Variants in DNAH5 observed in about 807,000 individuals in gnomAD.
DNAH5 encodes axonemal beta dynein heavy chain 5.
DNAH5 carries 372 observed loss-of-function variants against 518.2 expected under a neutral mutation model. The observed-to-expected ratio is 0.72, with a 90% confidence interval of 0.66 to 0.78. The LOEUF (loss-of-function observed/expected upper bound fraction) is 0.78. Ranked by LOEUF, DNAH5 falls within the 30% of genes least tolerant of loss-of-function variation. The pLI, the probability that DNAH5 is intolerant of heterozygous loss-of-function variation, is 0.00. For synonymous variants in DNAH5, 2,039 were observed against 2,025.9 expected, an observed-to-expected ratio of 1.01 and a Z score of -0.17; for missense variants, 5,523 against 5,687.0, an observed-to-expected ratio of 0.97 and a Z score of 0.93.
chr5:13,767,380 C>T (rs1469885853), intron 58 of DNAH5, among the ~76,000 whole-genome samples: 2 of 152,214 alleles, frequency 1.3e-5, no homozygotes, highest in Admixed American at 6.5e-5. Context: ...CCACCTCGGC[C>T]TCCCAAAGTA....
At chr5:13,932,412 G>A (rs1778513034) in intron 1 of DNAH5, 1 of 152,212 alleles carries the variant, frequency 6.6e-6, no homozygotes, top group South Asian at 2.1e-4. Context: ...TAGCATTGAA[G>A]GAGGGTTGGT....
intron 58 of DNAH5, among the ~76,000 whole-genome samples, chr5:13,767,334 A>G (rs940860540): frequency 2.0e-5 from 3 of 152,202 alleles, no homozygotes; most frequent in Non-Finnish European, 4.4e-5. Flanking sequence ...CATGTTGGCC[A>G]GGCTGGTCTC....
In DNAH5 at chr5:13,913,893, A is replaced by C; in HGVS notation, c.1386T>G (p.Phe462Leu). ...KLKQNPNAKQ[F>L]DFSEMYIFGK... ...CAAAAATATACATCTCGCTAAAATCAAATTGTTTTGCATTTGGATTTTGTT... is the reference window on the plus strand; with the variant it reads ...CAAAAATATACATCTCGCTAAAATCCAATTGTTTTGCATTTGGATTTTGTT... The change falls in exon 11 of 79, where the codon TTT becomes TTG. Residue 462 changes from phenylalanine to leucine, a missense_variant. This residue lies in a region of DNAH5 where 5,121 missense variants were observed against 5,223.3 expected (regional missense o/e 0.98). Transcript: ENST00000265104. The C allele has an allele frequency of 1.2e-6, 2 of 1,613,642 alleles. No homozygotes were observed. Among genetic ancestry groups the C allele is most frequent in the Admixed American group, 1.7e-5 (1 of 60,002 alleles).
chr5:13,829,936 T>G, intron 37 of DNAH5, 90 bp downstream of exon 37: 4 of 1,333,916 alleles, frequency 3.0e-6, no homozygotes, highest in Non-Finnish European at 4.3e-6. Flanking sequence ...CAATTTCCAT[T>G]CAGGAAAACA....
chr5:13,760,272 T>C (rs1751599232), intron 60 of DNAH5, among the ~76,000 whole-genome samples: 1 of 152,192 alleles, frequency 6.6e-6, no homozygotes, highest in Non-Finnish European at 1.5e-5. Flanking sequence ...CTAATCAAAA[T>C]CCTTCAAACC....
intron 58 of DNAH5, among the ~76,000 whole-genome samples, chr5:13,767,415 A>C (rs1752656653): frequency 6.6e-6 from 1 of 152,194 alleles, no homozygotes; most frequent in African/African-American, 2.4e-5. Context: ...GTGAGCCAGC[A>C]TGCCCAGCCT....
intron 54 of DNAH5, 67 bp from the exon 55 acceptor site, chr5:13,776,773 T>C: frequency 3.2e-6 from 5 of 1,545,530 alleles, no homozygotes; most frequent in Non-Finnish European, 4.5e-6. Context: ...ATGTAGAGCT[T>C]AATACACAGA....
chr5:13,900,629 A>C, intron 14 of DNAH5: 1 of 588,002 alleles, frequency 1.7e-6, no homozygotes, highest in Non-Finnish European at 3.0e-6. Context: ...AATTCAATAA[A>C]ACCTTTCAAT....
intron 55 of DNAH5, among the ~76,000 whole-genome samples, chr5:13,771,926 A>C (rs1300189653): frequency 6.6e-6 from 1 of 152,216 alleles, no homozygotes; most frequent in African/African-American, 2.4e-5. Context: ...CCCAATCACT[A>C]AATTAAGTTC....
In DNAH5 at chr5:13,876,723, T is replaced by C. The variant is rs780565363; in HGVS notation, c.3357A>G (p.Leu1119=). The change falls in exon 22 of 79, where the codon TTA becomes TTG. Residue 1119 remains leucine, a synonymous_variant. Transcript: ENST00000265104. Reference sequence around the variant, plus strand: ...TGATAATTGTGCTAAGCACAGAAACTAATTTTACAATCTCTTTGTTTTCAG... The same window carrying C: ...TGATAATTGTGCTAAGCACAGAAACCAATTTTACAATCTCTTTGTTTTCAG... ...NVSENKEIVK[L]VSVLSTIINS... is the part of the protein sequence containing the mutation. 3.1e-6 allele frequency: 5 copies of C among 1,613,960 alleles called. No homozygotes were observed. The highest frequency in any genetic ancestry group is 1.7e-4 in the Middle Eastern group (1 of 6,056).
intron 55 of DNAH5, among the ~76,000 whole-genome samples, chr5:13,775,468 GGATA>G (rs1309076894): frequency 2.0e-5 from 3 of 151,812 alleles, no homozygotes; most frequent in Middle Eastern, 3.4e-3. Context: ...ATGGATCGAT[GGATA>G]GATAATTAAT....
chr5:13,950,756 T>C (rs1780326154), intron 1 of DNAH5, among the ~76,000 whole-genome samples: 1 of 152,186 alleles, frequency 6.6e-6, no homozygotes, highest in South Asian at 2.1e-4. Flanking sequence ...CACAGTTATG[T>C]TTCATGTTGA....
intron 22 of DNAH5, 30 bp from the exon 23 acceptor site, chr5:13,871,795 A>G: frequency 6.3e-7 from 1 of 1,590,262 alleles, no homozygotes; most frequent in Non-Finnish European, 8.6e-7. Context: ...TTATGTTAAG[A>G]AGGAAGAATC....
At chr5:13,727,229 T>C (rs562937150) in intron 70 of DNAH5, among the ~76,000 whole-genome samples, 23 of 152,354 alleles carry the variant, frequency 1.5e-4, no homozygotes, top group African/African-American at 5.5e-4. Flanking sequence ...ATTACCTGTA[T>C]GTTATACCTA....
intron 1 of DNAH5, among the ~76,000 whole-genome samples, chr5:13,958,176 C>T (rs1450438908): frequency 6.6e-6 from 1 of 151,766 alleles, no homozygotes; most frequent in African/African-American, 2.4e-5. Flanking sequence ...GATATCCCTG[C>T]ATACAAATCC....
chr5:13,965,718 G>T (rs147225099), intron 1 of DNAH5, among the ~76,000 whole-genome samples: 8 of 152,244 alleles, frequency 5.3e-5, no homozygotes, highest in African/African-American at 1.7e-4. Flanking sequence ...AAATATATTC[G>T]AAAATGTCCT....
chr5:13,729,477 G>A lies in DNAH5; in HGVS notation c.11845C>T (p.Leu3949Phe), dbSNP rs745686704. The change falls in exon 69 of 79, where the codon CTT becomes TTT. Residue 3949 changes from leucine to phenylalanine, a missense_variant. Leu to Phe is a conservative substitution (Grantham distance 22, BLOSUM62 0). This residue lies in a region of DNAH5 where 5,121 missense variants were observed against 5,223.3 expected (regional missense o/e 0.98). Transcript: ENST00000265104. ...LDITWLNLVE[L>F]SKLRQFSDVL... ...TCTGAAAACTGTCTGAGTTTGCTAA[G>A]TTCCACCAAATTCAGCCATGTTATG... is the stretch of plus-strand genomic sequence containing the variant. The A allele has an allele frequency of 1.2e-6, 2 of 1,614,026 alleles. No individual in the cohort carries two copies. Among genetic ancestry groups the A allele is most frequent in the South Asian group, 2.2e-5 (2 of 91,078 alleles).
At chr5:13,766,950 A>T (rs1752589223) in intron 58 of DNAH5, among the ~76,000 whole-genome samples, 1 of 152,190 alleles carries the variant, frequency 6.6e-6, no homozygotes, top group Non-Finnish European at 1.5e-5. Flanking sequence ...TCTTCAAAAC[A>T]TCCATCTGGT....
chr5:13,976,689 G>GTATATATATATATATATATATA (rs1216182959), intron 1 of DNAH5, among the ~76,000 whole-genome samples: 1 of 137,974 alleles, frequency 7.2e-6, no homozygotes, highest in Non-Finnish European at 1.5e-5. Context: ...GTGTGTGTGT[G>GTATATATATATATATATATATA]TATATATATA....
Sources: gnomAD v4.1 joint callset for allele counts (sites outside exome capture counted in the v4.1 genomes callset) on GRCh38, gnomAD v4.1.1 for gene constraint, gnomAD v4.1.1 regional missense constraint, MANE v1.5 for transcripts, NCBI Gene and HGNC (gene_info 2026-07-23, HGNC 2026-07-21) for gene names.